The following ACOT7 variants were observed in gnomAD, a reference collection of about 807,000 sequenced individuals.
ACOT7 encodes the protein acyl-CoA thioesterase 7, also known as cytosolic acyl coenzyme A thioester hydrolase.
Under a neutral mutation model 40.2 loss-of-function variants are expected in ACOT7, and 12 were observed. The ratio of observed to expected loss-of-function variants is 0.30; its 90% CI spans 0.19 to 0.48. ACOT7 has a LOEUF of 0.48. Ranked by LOEUF, ACOT7 falls within the 20% of genes least tolerant of loss-of-function variation. ACOT7 has a pLI of 0.99. For missense variants in ACOT7, 395 were observed against 530.8 expected (o/e 0.74, Z 2.51); for synonymous variants, 228 against 219.5 (o/e 1.04, Z -0.34).
intron 6 of ACOT7, among the ~76,000 whole-genome samples, chr1:6,309,145 G>A (rs1179650345): frequency 1.3e-5 from 2 of 152,244 alleles, no homozygotes; most frequent in African/African-American, 4.8e-5. Flanking sequence ...GGCAGCAGAG[G>A]CCGAGTCATC....
At chr1:6,336,333 CAAA>C (rs3029068) in intron 3 of ACOT7, among the ~76,000 whole-genome samples, 28 of 52,750 alleles carry the variant, frequency 5.3e-4, no homozygotes, top group African/African-American at 1.5e-3. Flanking sequence ...GACTCGGTCT[CAAA>C]AAAAAAAAAA....
chr1:6,306,755 G>A lies in ACOT7; in HGVS notation c.712+11737C>T. 4.8e-6 allele frequency: 6 copies of A among 1,260,790 alleles called. No homozygotes were observed. Among genetic ancestry groups the A allele is most frequent in the Non-Finnish European group, 6.2e-6 (6 of 971,680 alleles). 78.1% of individuals were successfully genotyped at this position (1,260,790 alleles called of 1,614,324 possible). On this transcript the variant is annotated intron_variant, in intron 6 of 8. Coordinates refer to ENST00000361521, the MANE Select transcript of ACOT7 (RefSeq NM_007274.4). The surrounding 1 kb of genome is among the most constrained non-coding windows in gnomAD (Gnocchi z 4.3). ...TCTTCGTCCACCTTTTTCCTTCCTT[G>A]CCCCAACACTGAGGGTCTGGTGTGT...
chr1:6,323,049 G>A (rs1023392447), intron 5 of ACOT7, among the ~76,000 whole-genome samples: 2 of 152,054 alleles, frequency 1.3e-5, no homozygotes, highest in Non-Finnish European at 2.9e-5. Context: ...AGAATCACTT[G>A]AACCAGGGAG....
intron 1 of ACOT7, among the ~76,000 whole-genome samples, chr1:6,354,450 G>A (rs1411695900): frequency 2.6e-5 from 4 of 152,252 alleles, no homozygotes; most frequent in Non-Finnish European, 5.9e-5. Context: ...CCAAAAGGGG[G>A]TGAAGAAGCG....
intron 1 of ACOT7, chr1:6,385,716 G>A: frequency 1.3e-6 from 2 of 1,574,370 alleles, no homozygotes; most frequent in African/African-American, 2.7e-5. Flanking sequence ...ATGATGCCCA[G>A]CAGAGCCCAA....
intron 1 of ACOT7, among the ~76,000 whole-genome samples, chr1:6,375,149 C>T (rs1036898340): frequency 2.8e-4 from 41 of 146,966 alleles, no homozygotes; most frequent in African/African-American, 1.0e-3. Context: ...TGGTGGCGGG[C>T]GCCTGTAGGA....
At chr1:6,317,022 AT>A (rs1218553538) in intron 6 of ACOT7, among the ~76,000 whole-genome samples, 1 of 152,204 alleles carries the variant, frequency 6.6e-6, no homozygotes, top group Admixed American at 6.5e-5. Context: ...GTTTTGAAGG[AT>A]AAATAGGAGT....
intron 5 of ACOT7, among the ~76,000 whole-genome samples, chr1:6,323,735 AAAATATATAT>A (rs1287729045): frequency 6.6e-3 from 355 of 53,864 alleles, no homozygotes; most frequent in African/African-American, 0.02. Context: ...AAAAAAAAAA[AAAATATATAT>A]ATATATATAT....
intron 6 of ACOT7, among the ~76,000 whole-genome samples, chr1:6,308,267 A>G (rs1240324422): frequency 6.8e-6 from 1 of 147,986 alleles, no homozygotes; most frequent in East Asian, 2.1e-4. Context: ...GGGAACCGCA[A>G]CAGGCAGAAG....
intron 2 of ACOT7, 112 bp from the exon 3 acceptor site, chr1:6,339,701 TG>T (rs1456488591): frequency 1.5e-6 from 2 of 1,308,614 alleles, no homozygotes; most frequent in Admixed American, 5.4e-5. Context: ...TTCCCCACTG[TG>T]AAAGCAACCA....
At chr1:6,339,357 T>C in intron 3 of ACOT7, 76 bp downstream of exon 3, 2 of 1,596,876 alleles carry the variant, frequency 1.3e-6, no homozygotes, top group Non-Finnish European at 1.7e-6. Context: ...TGGAGCGTCC[T>C]CTGCCCTCAG....
At chr1:6,341,937 G>T (rs192438400) in intron 2 of ACOT7, among the ~76,000 whole-genome samples, 1 of 152,244 alleles carries the variant, frequency 6.6e-6, no homozygotes, top group Admixed American at 6.5e-5. Context: ...CACATGGTGG[G>T]GCTCCCAGAT....
intron 1 of ACOT7, among the ~76,000 whole-genome samples, chr1:6,353,052 T>A (rs185707322): frequency 6.6e-6 from 1 of 152,254 alleles, no homozygotes; most frequent in East Asian, 1.9e-4. Flanking sequence ...CTAAATTTTG[T>A]ATTTTTACTA....
Position 6,359,515 on chromosome 1 carries a change from C to T in ACOT7, c.144-9649G>A, listed in dbSNP as rs568907514. Among the ~76,000 whole-genome samples, 6 of 151,460 alleles carry T rather than the reference C, an allele frequency of 4.0e-5. No individual in the cohort carries two copies. The highest frequency in any genetic ancestry group is 6.6e-5 in the Admixed American group (1 of 15,200). On this transcript the variant is annotated intron_variant, in intron 1 of 8. Transcript: ENST00000361521. This position sits in a 1 kb window ranked among gnomAD's most constrained non-coding sequence, Gnocchi z 4.1. ...AGAGGATGCCATGCCTGTCTTGGGG[C>T]TCAGCAACTCCACTACCCTTCCTCC... is the stretch of plus-strand genomic sequence containing the variant.
chr1:6,375,256 C>G (rs1013682756), intron 1 of ACOT7, among the ~76,000 whole-genome samples: 1 of 144,114 alleles, frequency 6.9e-6, no homozygotes, highest in African/African-American at 2.7e-5. Flanking sequence ...GAGCGAGACT[C>G]CTCTCAAAAA....
At chr1:6,366,846 G>A (rs1398543399) in intron 1 of ACOT7, among the ~76,000 whole-genome samples, 1 of 151,912 alleles carries the variant, frequency 6.6e-6, no homozygotes, top group African/African-American at 2.4e-5. Context: ...AGTAGAGATG[G>A]GGAGAACATG....
chr1:6,340,833 C>T (rs1031822771), intron 2 of ACOT7, among the ~76,000 whole-genome samples: 4 of 151,932 alleles, frequency 2.6e-5, no homozygotes, highest in Admixed American at 6.6e-5. Context: ...GCCAGGAGTT[C>T]GAGACCAGCC....
chr1:6,314,830 C>T (rs1401986464), intron 6 of ACOT7, among the ~76,000 whole-genome samples: 7 of 151,988 alleles, frequency 4.6e-5, no homozygotes, highest in African/African-American at 2.4e-5. Flanking sequence ...GCCATTCAAC[C>T]CAGAACGGCA....
intron 8 of ACOT7, among the ~76,000 whole-genome samples, chr1:6,271,969 C>T (rs752438075): frequency 2.6e-5 from 4 of 152,280 alleles, no homozygotes; most frequent in Admixed American, 6.5e-5. Flanking sequence ...CCTGCAGGCA[C>T]GGAGTGCCGT....
Sources: gnomAD v4.1 joint callset for allele counts (sites outside exome capture counted in the v4.1 genomes callset) on GRCh38, gnomAD v4.1.1 for gene constraint, Gnocchi (gnomAD v3.1) non-coding constraint, MANE v1.5 for transcripts, NCBI Gene and HGNC (gene_info 2026-07-23, HGNC 2026-07-21) for gene names.